RYR2: variants seen among roughly 807,000 people sequenced by gnomAD.
The protein encoded by RYR2 is cardiac muscle ryanodine receptor-calcium release channel.
RYR2 carries 227 observed loss-of-function variants against 601.1 expected under a neutral mutation model. The observed-to-expected ratio is 0.38, with a 90% CI of 0.34 to 0.42. The LOEUF is 0.42. Ranked by LOEUF, RYR2 falls within the 10% of genes least tolerant of loss-of-function variation. The pLI is 1.00. For missense variants in RYR2, 4,646 were observed against 6,156.5 expected (o/e 0.75, Z 8.21); for synonymous variants, 2,223 against 2,175.1 (o/e 1.02, Z -0.61).
chr1:237,470,549 G>A (rs184398059), intron 17 of RYR2, among the ~76,000 whole-genome samples: 1 of 152,124 alleles, frequency 6.6e-6, no homozygotes, highest in Non-Finnish European at 1.5e-5. Flanking sequence ...AATGGAGATT[G>A]TTGTAATAAA....
At position 237,760,986 on chromosome 1, in the gene RYR2, A is replaced by G; in HGVS notation, c.11434A>G (p.Asn3812Asp). The G allele has an allele frequency of 6.3e-7, 1 of 1,579,776 alleles. No homozygotes were observed. The highest frequency in any genetic ancestry group is 8.6e-7 in the Non-Finnish European group (1 of 1,161,358). The change falls in exon 84 of 105, where the codon AAC becomes GAC. Residue 3812 changes from asparagine (N) to aspartate (D), a missense_variant. By Grantham distance (23) the Asn-to-Asp change is conservative (BLOSUM62 1). Around this residue, in one of 17 missense-constraint regions of RYR2, gnomAD observed 1,497 missense variants for 1,842.6 expected, o/e 0.81. Coordinates refer to ENST00000366574, the MANE Select transcript of RYR2 (RefSeq NM_001035.3). ...TGACCTAAATGCATTTGAGCGACAA[A>G]ACAAAGCTGAAGGTCTTGGGATGGT... ...VLDLNAFERQ[N>D]KAEGLGMVTE...
intron 27 of RYR2, among the ~76,000 whole-genome samples, chr1:237,559,504 C>G (rs1185637153): frequency 1.3e-5 from 2 of 152,134 alleles, no homozygotes; most frequent in African/African-American, 2.4e-5. Flanking sequence ...CCTCGGCCTC[C>G]CAAAGTGCTA....
Position 237,423,120 on chromosome 1 carries a change from C to T in RYR2, c.877C>T (p.Gln293Ter). 6.2e-7 allele frequency: 1 copy of T among 1,613,720 alleles called. No individual in the cohort carries two copies. Among genetic ancestry groups the T allele is most frequent in the Non-Finnish European group, 8.5e-7 (1 of 1,179,788 alleles). ...GAGTGGAAGCCACATAAGATGGGGA[C>T]AGCCATTCCGACTACGCCATGTCAC... ...AWSGSHIRWGQPFRLRHVTTG... is the reference protein window; with the variant it reads ...AWSGSHIRWG Residue 293 changes from glutamine to a stop codon, truncating the protein, a stop_gained, in exon 12 of 105, where the codon CAG becomes TAG. Coordinates refer to ENST00000366574, the MANE Select transcript of RYR2 (RefSeq NM_001035.3). LOFTEE classifies it high-confidence loss of function.
intron 1 of RYR2, among the ~76,000 whole-genome samples, chr1:237,215,142 C>T (rs1419580308): frequency 2.0e-5 from 3 of 152,170 alleles, no homozygotes; most frequent in African/African-American, 7.2e-5. Flanking sequence ...CCAGGAATCC[C>T]AGGGTAAAGC....
intron 1 of RYR2, among the ~76,000 whole-genome samples, chr1:237,175,680 T>C (rs114369704): frequency 0.015 from 2,269 of 152,252 alleles, 60 homozygotes; most frequent in African/African-American, 0.052. Context: ...TTTTGGAGCT[T>C]AAAGTATCTC....
intron 1 of RYR2, among the ~76,000 whole-genome samples, chr1:237,101,888 G>A (rs572348445): frequency 6.6e-6 from 1 of 152,294 alleles, no homozygotes; most frequent in East Asian, 1.9e-4. Flanking sequence ...GTGGGGGAGG[G>A]AGAGAAAGAG....
intron 2 of RYR2, among the ~76,000 whole-genome samples, chr1:237,296,454 T>C (rs1170284503): frequency 6.6e-6 from 1 of 152,078 alleles, no homozygotes; most frequent in African/African-American, 2.4e-5. Context: ...TTTCGTCAGA[T>C]TGGATTTAAG....
chr1:237,071,030 G>A (rs1272381010), intron 1 of RYR2, among the ~76,000 whole-genome samples: 1 of 152,138 alleles, frequency 6.6e-6, no homozygotes, highest in Non-Finnish European at 1.5e-5. Flanking sequence ...CAACTCTTTC[G>A]GTCCTGCCAG....
At chr1:237,677,320 A>G (rs2148922808) in intron 60 of RYR2, among the ~76,000 whole-genome samples, 1 of 152,286 alleles carries the variant, frequency 6.6e-6, no homozygotes, top group Non-Finnish European at 1.5e-5. Context: ...CTATTAATAT[A>G]TGCATGAACC....
chr1:237,819,289 T>C lies in RYR2; in HGVS notation c.14590+97T>C. On this transcript the variant is annotated intron_variant, in intron 101 of 104. Transcript: ENST00000366574. This position sits in a 1 kb window ranked among gnomAD's most constrained non-coding sequence, Gnocchi z 4.0. Reference sequence around the variant, plus strand: ...AGGTAGGGTAATGACGTCAAGTGTTTCCTGGCAAAGCCAAATCAAACTTTT... The same window carrying C: ...AGGTAGGGTAATGACGTCAAGTGTTCCCTGGCAAAGCCAAATCAAACTTTT... 1 of 1,191,126 alleles carries C rather than the reference T, an allele frequency of 8.4e-7. No individual in the cohort carries two copies. Among genetic ancestry groups the C allele is most frequent in the South Asian group, 1.4e-5 (1 of 70,634 alleles). The allele number at this position is 1,191,126 out of a possible 1,614,324, so 73.8% of individuals were successfully genotyped here.
At chr1:237,097,558 C>G (rs1197015718) in intron 1 of RYR2, among the ~76,000 whole-genome samples, 4 of 152,166 alleles carry the variant, frequency 2.6e-5, no homozygotes, top group African/African-American at 9.7e-5. Flanking sequence ...ATTCCTGTTT[C>G]TCAGGCATCC....
chr1:237,740,907 G>A (rs1257775311), intron 79 of RYR2, among the ~76,000 whole-genome samples: 2 of 152,168 alleles, frequency 1.3e-5, no homozygotes, highest in Non-Finnish European at 2.9e-5. Context: ...ATGGAGGACT[G>A]CAGATTTGCC....
intron 1 of RYR2, among the ~76,000 whole-genome samples, chr1:237,236,871 C>G (rs1225261026): frequency 2.0e-5 from 3 of 152,142 alleles, no homozygotes; most frequent in Non-Finnish European, 1.5e-5. Flanking sequence ...CTCTATCCAA[C>G]CATTGACAGA....
rs957731563 is a variant in RYR2, at chr1:237,293,388, G to T, written c.168+22772G>T. ...CACCCGGCTAATTTTTGTATTTTTA[G>T]TAGAGATAGGGTTTTGCCATGTTGG... On this transcript the variant is annotated intron_variant, in intron 2 of 104. Coordinates refer to ENST00000366574, the MANE Select transcript of RYR2 (RefSeq NM_001035.3). Among the ~76,000 whole-genome samples, 5 of 152,026 alleles carry T rather than the reference G, an allele frequency of 3.3e-5. No homozygotes were observed. The Middle Eastern group carries it at 9.5e-3, about 289-fold the overall frequency.
chr1:237,638,324 G>C, intron 44 of RYR2, 33 bp from the exon 45 acceptor site: 2 of 1,613,194 alleles, frequency 1.2e-6, no homozygotes, highest in Non-Finnish European at 1.7e-6. Flanking sequence ...TTTCAGCCAA[G>C]GGATAACTCT....
intron 27 of RYR2, among the ~76,000 whole-genome samples, chr1:237,564,685 A>G (rs528188628): frequency 6.6e-6 from 1 of 152,338 alleles, no homozygotes; most frequent in South Asian, 2.1e-4. Flanking sequence ...TTACTTACCA[A>G]GTAATAGGCA....
At chr1:237,812,910 T>A (rs1003338523) in intron 100 of RYR2, among the ~76,000 whole-genome samples, 5 of 139,706 alleles carry the variant, frequency 3.6e-5, no homozygotes, top group Non-Finnish European at 6.2e-5. Flanking sequence ...TTTTTTTTTT[T>A]AACTTACAGC....
intron 1 of RYR2, among the ~76,000 whole-genome samples, chr1:237,086,517 G>A (rs74149706): frequency 0.021 from 3,181 of 151,974 alleles, 119 homozygotes; most frequent in African/African-American, 0.073. Context: ...TCTGTGTTTC[G>A]GGTTCATCCT....
At chr1:237,582,188 C>T (rs1673985218) in intron 29 of RYR2, among the ~76,000 whole-genome samples, 1 of 151,988 alleles carries the variant, frequency 6.6e-6, no homozygotes, top group Non-Finnish European at 1.5e-5. Flanking sequence ...CTGCAACCTT[C>T]ACCTCCTGGG....
Sources: gnomAD v4.1 joint callset for allele counts (sites outside exome capture counted in the v4.1 genomes callset) on GRCh38, gnomAD v4.1.1 for gene constraint, gnomAD v4.1.1 regional missense constraint, Gnocchi (gnomAD v3.1) non-coding constraint, MANE v1.5 for transcripts, NCBI Gene and HGNC (gene_info 2026-07-23, HGNC 2026-07-21) for gene names.